The following RBFOX1 variants were observed in gnomAD, a reference collection of about 807,000 sequenced individuals.
RBFOX1 encodes the protein RNA binding fox-1 homolog 1, also known as RNA binding protein fox-1 homolog 1.
A neutral mutation model predicts 57.7 loss-of-function variants in RBFOX1; 8 were observed. The observed-to-expected ratio is 0.14, with a 90% CI of 0.08 to 0.25. The LOEUF (loss-of-function observed/expected upper bound fraction) is 0.25. Among genes scored for constraint, RBFOX1 ranks in the 10% least tolerant of loss-of-function variants. The probability of loss-of-function intolerance (pLI) is 1.00; values close to 1 mark genes in which losing one functional copy is unlikely to be tolerated. For missense variants in RBFOX1, 611 were observed against 548.5 expected, an observed-to-expected ratio of 1.11 and a Z score of -1.14; for synonymous variants, 326 against 222.4, an observed-to-expected ratio of 1.47 and a Z score of -4.15.
intron 1 of RBFOX1, among the ~76,000 whole-genome samples, chr16:5,305,112 G>A (rs569735037): frequency 1.1e-4 from 16 of 152,272 alleles, no homozygotes; most frequent in African/African-American, 2.6e-4. Flanking sequence ...AAGGTGGTGC[G>A]TGTTGAGAAG....
At chr16:5,628,249 C>G (rs1240229320) in intron 3 of RBFOX1, among the ~76,000 whole-genome samples, 2 of 152,160 alleles carry the variant, frequency 1.3e-5, no homozygotes, top group Non-Finnish European at 1.5e-5. Flanking sequence ...TGAAAGAATC[C>G]AAGAATTGAA....
At chr16:6,066,515 G>C (rs13337849) in intron 1 of RBFOX1, among the ~76,000 whole-genome samples, 1 of 151,786 alleles carries the variant, frequency 6.6e-6, no homozygotes, top group Non-Finnish European at 1.5e-5. Flanking sequence ...AGGTGGTTAT[G>C]CAGTATTTTT....
intron 4 of RBFOX1, among the ~76,000 whole-genome samples, chr16:5,920,448 T>A (rs1257397997): frequency 6.6e-6 from 1 of 152,210 alleles, no homozygotes; most frequent in Admixed American, 6.5e-5. Context: ...CTGTTTTTAT[T>A]TCTCGTGGGT....
intron 10 of RBFOX1, among the ~76,000 whole-genome samples, chr16:7,616,990 T>TAA (rs200937855): frequency 2.1e-5 from 3 of 142,510 alleles, no homozygotes; most frequent in South Asian, 2.2e-4. Flanking sequence ...GCACAACCAT[T>TAA]AAAAAAAAAA....
At chr16:7,605,435 T>C (rs2095246736) in intron 9 of RBFOX1, among the ~76,000 whole-genome samples, 1 of 152,122 alleles carries the variant, frequency 6.6e-6, no homozygotes, top group African/African-American at 2.4e-5. Context: ...GTAATAGAAG[T>C]ATAACACTTT....
intron 4 of RBFOX1, among the ~76,000 whole-genome samples, chr16:7,483,647 A>G (rs2064597850): frequency 6.6e-6 from 1 of 152,132 alleles, no homozygotes; most frequent in South Asian, 2.1e-4. Flanking sequence ...ATAATTGCTT[A>G]TTTATCTTAT....
chr16:7,710,184 G>C (rs1396230360), intron 15 of RBFOX1: 3 of 1,024,618 alleles, frequency 2.9e-6, no homozygotes, highest in South Asian at 4.0e-5. Flanking sequence ...GCCAAGTTAA[G>C]TAAGAAGTAG....
chr16:5,868,153 G>A (rs1195528593), intron 4 of RBFOX1, among the ~76,000 whole-genome samples: 1 of 152,180 alleles, frequency 6.6e-6, no homozygotes, highest in African/African-American at 2.4e-5. Context: ...ATGTTGTAAT[G>A]TAATGGGCTC....
chr16:5,882,418 C>T (rs534182989), intron 4 of RBFOX1, among the ~76,000 whole-genome samples: 41 of 152,250 alleles, frequency 2.7e-4, no homozygotes, highest in African/African-American at 9.6e-4. Flanking sequence ...ACTTTTGCCC[C>T]CCTCCCATTG....
At chr16:6,206,588 A>C (rs1282093008) in intron 1 of RBFOX1, among the ~76,000 whole-genome samples, 1 of 152,200 alleles carries the variant, frequency 6.6e-6, no homozygotes, top group Non-Finnish European at 1.5e-5. Flanking sequence ...TGAATATATT[A>C]AATTAAACCT....
At chr16:6,308,466 A>C (rs1395212026) in intron 1 of RBFOX1, among the ~76,000 whole-genome samples, 1 of 152,236 alleles carries the variant, frequency 6.6e-6, no homozygotes, top group Non-Finnish European at 1.5e-5. Flanking sequence ...ACTTTTTTAC[A>C]TAAAAATACT....
intron 3 of RBFOX1, among the ~76,000 whole-genome samples, chr16:5,653,488 C>T (rs1193287990): frequency 3.8e-5 from 1 of 26,440 alleles, no homozygotes; most frequent in African/African-American, 5.5e-5. Context: ...GAGCCGTGTG[C>T]TGCGTCTTTG....
At chr16:6,386,642 G>T (rs1007657831) in intron 2 of RBFOX1, among the ~76,000 whole-genome samples, 2 of 152,216 alleles carry the variant, frequency 1.3e-5, no homozygotes, top group Non-Finnish European at 2.9e-5. Context: ...CCCAAAGAGA[G>T]AAAAGAAGTT....
intron 4 of RBFOX1, among the ~76,000 whole-genome samples, chr16:7,161,488 C>T (rs573621819): frequency 3.9e-5 from 6 of 152,238 alleles, no homozygotes; most frequent in Non-Finnish European, 5.9e-5. Context: ...TCTTTCTTCA[C>T]TCTTAGGGGT....
At chr16:5,462,672 T>C (rs767463931) in intron 1 of RBFOX1, among the ~76,000 whole-genome samples, 25 of 152,186 alleles carry the variant, frequency 1.6e-4, no homozygotes, top group Non-Finnish European at 3.4e-4. Flanking sequence ...TTATGATGCA[T>C]CCATGGCATG....
exon 3 of RBFOX1, chr16:5,599,357 A>G: frequency 3.3e-6 from 2 of 607,278 alleles, no homozygotes; most frequent in South Asian, 4.0e-5. Flanking sequence ...AAGGACAGGA[A>G]TGCTTACTGA....
At position 7,684,688 on chromosome 16, in the gene RBFOX1, C is replaced by T. The variant is rs373571623; in HGVS notation, c.995+7850C>T. On this transcript the variant is annotated intron_variant, in intron 14 of 15. Coordinates refer to ENST00000550418, the MANE Select transcript of RBFOX1 (RefSeq NM_018723.4). ...TCTCAATTCTTGCCTTTCATGGTTTCAATTTTGTAATTTAAAATTTTAGAA... is the reference window on the plus strand; with the variant it reads ...TCTCAATTCTTGCCTTTCATGGTTTTAATTTTGTAATTTAAAATTTTAGAA... Among the ~76,000 whole-genome samples the T allele has an allele frequency of 2.0e-5, 3 of 151,124 alleles. No homozygotes were observed. In the East Asian group the frequency reaches 5.8e-4, roughly 29 times the overall value.
chr16:6,760,532 G>A (rs2076454764), intron 3 of RBFOX1, among the ~76,000 whole-genome samples: 1 of 152,176 alleles, frequency 6.6e-6, no homozygotes, highest in Non-Finnish European at 1.5e-5. Context: ...AAGATAAACA[G>A]TAAATGCTTT....
At chr16:7,131,889 G>T (rs1003427849) in intron 4 of RBFOX1, among the ~76,000 whole-genome samples, 2 of 152,068 alleles carry the variant, frequency 1.3e-5, no homozygotes, top group African/African-American at 4.8e-5. Context: ...CTTCTAGGGG[G>T]TGAGAGGCTT....
Sources: allele counts gnomAD v4.1 joint callset (sites outside exome capture counted in the v4.1 genomes callset), GRCh38; gene constraint gnomAD v4.1.1; transcripts MANE v1.5; gene names NCBI Gene and HGNC (gene_info 2026-07-23, HGNC 2026-07-21).